Variants in ADTRP observed in about 807,000 individuals in gnomAD.
The protein encoded by ADTRP is androgen-dependent TFPI-regulating protein.
ADTRP carries 20 observed loss-of-function variants against 27.0 expected under a neutral mutation model. The observed-to-expected ratio is 0.74, with a 90% CI of 0.52 to 1.08. The LOEUF is 1.08. ADTRP is among the 50% of genes least tolerant of loss of function. The pLI is 0.00. For missense variants in ADTRP, 251 were observed against 275.0 expected (o/e 0.91, Z 0.62); for synonymous variants, 101 against 105.2 (o/e 0.96, Z 0.25).
chr6:11,720,573 G>A (rs1296464993), intron 5 of ADTRP, among the ~76,000 whole-genome samples: 2 of 151,556 alleles, frequency 1.3e-5, no homozygotes, highest in African/African-American at 4.9e-5. Context: ...CTGGTTTCAT[G>A]CCATTCTCCT....
At chr6:11,758,534 C>T (rs1296180364) in intron 3 of ADTRP, among the ~76,000 whole-genome samples, 2 of 123,378 alleles carry the variant, frequency 1.6e-5, no homozygotes, top group Admixed American at 1.1e-4. Flanking sequence ...AACACATGGA[C>T]ACAGGAAGGG....
At chr6:11,766,896 G>T (rs1398074631) in intron 2 of ADTRP, among the ~76,000 whole-genome samples, 1 of 152,166 alleles carries the variant, frequency 6.6e-6, no homozygotes, top group African/African-American at 2.4e-5. Flanking sequence ...TCAGAACTTT[G>T]AATTGATCTC....
chr6:11,721,153 C>T (rs557690507), intron 5 of ADTRP, among the ~76,000 whole-genome samples: 2 of 152,272 alleles, frequency 1.3e-5, no homozygotes, highest in South Asian at 2.1e-4. Context: ...CCTGGGCTGA[C>T]CAGGGAAGGC....
intron 3 of ADTRP, among the ~76,000 whole-genome samples, chr6:11,764,435 C>T (rs1763488423): frequency 6.6e-6 from 1 of 152,122 alleles, no homozygotes; most frequent in African/African-American, 2.4e-5. Context: ...ATAAAAGATA[C>T]TTATAAGACT....
chr6:11,768,240 G>A lies in ADTRP; in HGVS notation c.288+9C>T. 6.2e-7 allele frequency: 1 copy of A among 1,614,034 alleles called. No homozygotes were observed. Among genetic ancestry groups the A allele is most frequent in the Admixed American group, 1.7e-5 (1 of 60,002 alleles). On this transcript the variant is annotated intron_variant, in intron 2 of 5. Coordinates refer to ENST00000414691, the MANE Select transcript of ADTRP (RefSeq NM_032744.4). ...TCTGTTAGATTATGTACACATCTTTGAAACTTACCGTGGATACAGGAAAAG... is the reference window on the plus strand; with the variant it reads ...TCTGTTAGATTATGTACACATCTTTAAAACTTACCGTGGATACAGGAAAAG...
At chr6:11,723,885 C>A (rs1300914260) in intron 4 of ADTRP, among the ~76,000 whole-genome samples, 4 of 151,954 alleles carry the variant, frequency 2.6e-5, no homozygotes, top group Non-Finnish European at 5.9e-5. Flanking sequence ...ATGATGAAAC[C>A]CCATCTCCAC....
chr6:11,726,743 A>G (rs1561744071), intron 4 of ADTRP, among the ~76,000 whole-genome samples: 2 of 152,246 alleles, frequency 1.3e-5, no homozygotes, highest in South Asian at 4.1e-4. Flanking sequence ...GATGCACAAC[A>G]AGGTAAATGT....
chr6:11,738,446 A>G (rs1042530204), intron 3 of ADTRP: 25 of 152,310 alleles, frequency 1.6e-4, no homozygotes, highest in Non-Finnish European at 3.4e-4. Flanking sequence ...GTCTCCTGGC[A>G]CAGCCACCTG....
At chr6:11,727,848 G>T (rs1197464458) in intron 4 of ADTRP, among the ~76,000 whole-genome samples, 1 of 151,468 alleles carries the variant, frequency 6.6e-6, no homozygotes, top group Non-Finnish European at 1.5e-5. Flanking sequence ...CACACTGTTA[G>T]TTGACATCAC....
At chr6:11,748,508 C>T (rs1053378040) in intron 3 of ADTRP, among the ~76,000 whole-genome samples, 1 of 152,232 alleles carries the variant, frequency 6.6e-6, no homozygotes, top group Non-Finnish European at 1.5e-5. Flanking sequence ...AGAAGGTGGA[C>T]AGATGTGGTC....
intron 3 of ADTRP, among the ~76,000 whole-genome samples, chr6:11,758,631 A>G (rs1459442998): frequency 1.4e-5 from 2 of 147,642 alleles, no homozygotes; most frequent in Non-Finnish European, 3.0e-5. Context: ...TGACGAGTTA[A>G]TGGGTGCAGC....
At chr6:11,761,659 C>T (rs1763393135) in intron 3 of ADTRP, among the ~76,000 whole-genome samples, 1 of 152,086 alleles carries the variant, frequency 6.6e-6, no homozygotes, top group African/African-American at 2.4e-5. Flanking sequence ...GATTTGAACT[C>T]AGCAATGGAA....
Position 11,753,593 on chromosome 6 carries a change from T to C in ADTRP, c.390+12681A>G, listed in dbSNP as rs540344866. ...TAGTGAAGTATTATTTTAAAATATG[T>C]CAGAAAGAGTATGCATATTAATTAA... On this transcript the variant is annotated intron_variant, in intron 3 of 5. Coordinates refer to ENST00000414691, the MANE Select transcript of ADTRP (RefSeq NM_032744.4). Among the ~76,000 whole-genome samples, 26 of 152,338 alleles carry C rather than the reference T, an allele frequency of 1.7e-4. No homozygotes were observed. The South Asian group carries it at 5.4e-3, about 32-fold the overall frequency.
chr6:11,732,151 T>C lies in ADTRP; in HGVS notation c.506+3417A>G, dbSNP rs1480459519. ...CCACTTAGGGGAGAGCTCTTCAATT[T>C]TGCAATCTGAAAAATAACTAAAAGC... On this transcript the variant is annotated intron_variant, in intron 4 of 5. Coordinates refer to ENST00000414691, the MANE Select transcript of ADTRP (RefSeq NM_032744.4). 2.6e-5 allele frequency among the ~76,000 whole-genome samples: 4 copies of C among 152,138 alleles called. 1 individual carries two copies. The South Asian group carries it at 8.3e-4, about 31-fold the overall frequency.
chr6:11,736,476 C>A (rs557213645), intron 3 of ADTRP: 1 of 152,672 alleles, frequency 6.5e-6, no homozygotes, highest in East Asian at 1.9e-4. Flanking sequence ...CATACTCTTG[C>A]ACTCTCACAC....
At chr6:11,741,018 T>C (rs1722435727) in intron 3 of ADTRP, among the ~76,000 whole-genome samples, 1 of 152,160 alleles carries the variant, frequency 6.6e-6, no homozygotes, top group Non-Finnish European at 1.5e-5. Flanking sequence ...CTTTTCTACT[T>C]TCTAGGAACT....
At chr6:11,748,148 C>T (rs1425993878) in intron 3 of ADTRP, among the ~76,000 whole-genome samples, 5 of 152,290 alleles carry the variant, frequency 3.3e-5, no homozygotes, top group Middle Eastern at 3.4e-3. Flanking sequence ...GATTAGACCA[C>T]GTGTCTCAGA....
intron 1 of ADTRP, among the ~76,000 whole-genome samples, chr6:11,772,365 A>C (rs1474761884): frequency 6.6e-6 from 1 of 152,248 alleles, no homozygotes; most frequent in Non-Finnish European, 1.5e-5. Flanking sequence ...AAGGATATTT[A>C]GTTTTTACAT....
chr6:11,750,733 T>C (rs531079708), intron 3 of ADTRP, among the ~76,000 whole-genome samples: 1 of 152,344 alleles, frequency 6.6e-6, no homozygotes, highest in African/African-American at 2.4e-5. Context: ...AATCACTAGT[T>C]CTCTTTCTTT....
Sources: allele counts gnomAD v4.1 joint callset (sites outside exome capture counted in the v4.1 genomes callset), GRCh38; gene constraint gnomAD v4.1.1; transcripts MANE v1.5; gene names NCBI Gene and HGNC (gene_info 2026-07-23, HGNC 2026-07-21).